Variants in ZNF248 observed in about 807,000 individuals in gnomAD.
ZNF248 encodes the protein KRAB protein domain.
ZNF248 carries 20 observed loss-of-function variants against 44.3 expected under a neutral mutation model. The observed-to-expected ratio is 0.45, with a 90% CI of 0.32 to 0.66. The LOEUF is 0.66. Ranked by LOEUF, ZNF248 falls within the 30% of genes least tolerant of loss-of-function variation. The pLI is 0.04. For missense variants in ZNF248, 654 were observed against 677.0 expected, an observed-to-expected ratio of 0.97 and a Z score of 0.38; for synonymous variants, 224 against 229.0, an observed-to-expected ratio of 0.98 and a Z score of 0.20.
Position 37,831,201 on chromosome 10 carries a change from C to T in ZNF248, c.*414G>A, listed in dbSNP as rs2055530813. The T allele has an allele frequency of 2.6e-6, 4 of 1,542,094 alleles. No individual in the cohort carries two copies. Among genetic ancestry groups the T allele is most frequent in the Non-Finnish European group, 3.5e-6 (4 of 1,142,820 alleles). The stretch of plus-strand genomic sequence containing the variant: ...GTTGAGTTCCAATATACAAATCAAG[C>T]ATACTCAAATTTATATATTTGCATA... On this transcript the variant is annotated 3_prime_UTR_variant, in exon 6 of 6. Transcript: ENST00000395867.
chr10:37,814,640 A>G (rs924694923), intron 6 of ZNF248, among the ~76,000 whole-genome samples: 1 of 152,152 alleles, frequency 6.6e-6, no homozygotes, highest in Non-Finnish European at 1.5e-5. Context: ...TTGACAGAAA[A>G]TTTTACCAAA....
chr10:37,823,268 A>G, intron 6 of ZNF248, among the ~76,000 whole-genome samples: 1 of 122,712 alleles, frequency 8.1e-6, no homozygotes. Context: ...TGGGAGGCGG[A>G]GGTTGCAGTG....
chr10:37,772,678 C>A (rs149663917), downstream of ZNF248, among the ~76,000 whole-genome samples: 33 of 152,316 alleles, frequency 2.2e-4, no homozygotes, highest in East Asian at 5.8e-3. Context: ...GAGAAACCTG[C>A]ACTTTAGACA....
At chr10:37,814,722 C>T in intron 6 of ZNF248, among the ~76,000 whole-genome samples, 1 of 152,150 alleles carries the variant, frequency 6.6e-6, no homozygotes, top group South Asian at 2.1e-4. Context: ...TGCCTTCTGG[C>T]CTCCAAGATC....
chr10:37,831,151 G>A lies in ZNF248; in HGVS notation c.*464C>T. On this transcript the variant is annotated 3_prime_UTR_variant, in exon 6 of 6. Transcript: ENST00000395867. ...TACCATAGTAGTTACTCAATTAAGG[G>A]TACGTATCTTCTCCTTATGATCATG... The A allele has an allele frequency of 6.7e-7, 1 of 1,496,088 alleles. No homozygotes were observed. The highest frequency in any genetic ancestry group is 8.9e-7 in the Non-Finnish European group (1 of 1,120,296). The allele number at this position is 1,496,088 out of a possible 1,614,324, so 92.7% of individuals were successfully genotyped here. A position where few individuals can be genotyped will look rare whatever the true frequency, so the allele number is the denominator to read the frequency against.
At position 37,832,263 on chromosome 10, in the gene ZNF248, C is replaced by T. The variant is rs781660650; in HGVS notation, c.1092G>A (p.Lys364=). ...YNENGSNFSK[K]SHLTQLRRAH... Reference sequence around the variant, plus strand: ...CTCTCCGAAGCTGGGTAAGATGTGACTTCTTGCTGAAATTACTCCCATTTT... The same window carrying T: ...CTCTCCGAAGCTGGGTAAGATGTGATTTCTTGCTGAAATTACTCCCATTTT... Residue 364 remains lysine (K), a synonymous_variant, in exon 6 of 6, where the codon AAG becomes AAA. Transcript: ENST00000395867. 5 of 1,614,048 alleles carry T rather than the reference C, an allele frequency of 3.1e-6. No individual in the cohort carries two copies. In the Admixed American group the frequency reaches 8.3e-5, roughly 27 times the overall value.
intron 6 of ZNF248, among the ~76,000 whole-genome samples, chr10:37,806,131 T>C (rs1278237552): frequency 6.6e-6 from 1 of 152,352 alleles, no homozygotes; most frequent in East Asian, 1.9e-4. Context: ...TGGGTTGCTT[T>C]CACTTTTTGG....
intron 6 of ZNF248, among the ~76,000 whole-genome samples, chr10:37,804,430 GTATT>G (rs1216293597): frequency 1.3e-5 from 2 of 150,944 alleles, no homozygotes; most frequent in African/African-American, 4.9e-5. Context: ...TTTATTTTAT[GTATT>G]TATTTATTTC....
the ZNF248 span, among the ~76,000 whole-genome samples, chr10:37,768,691 C>T: frequency 2.6e-5 from 4 of 152,270 alleles, no homozygotes; most frequent in East Asian, 7.7e-4. Flanking sequence ...AATTGACACC[C>T]TAACGTCACA....
intron 6 of ZNF248, among the ~76,000 whole-genome samples, chr10:37,797,153 A>C (rs1334636061): frequency 6.6e-6 from 1 of 152,236 alleles, no homozygotes; most frequent in African/African-American, 2.4e-5. Context: ...AGAGTAGTAA[A>C]GAATAGTTTC....
At chr10:37,848,365 C>T (rs542485160) in intron 3 of ZNF248, among the ~76,000 whole-genome samples, 18 of 152,228 alleles carry the variant, frequency 1.2e-4, no homozygotes, top group African/African-American at 3.6e-4. Flanking sequence ...GGACAGATCG[C>T]CTGAGCTCAG....
chr10:37,812,016 G>C (rs530208793), intron 6 of ZNF248, among the ~76,000 whole-genome samples: 1 of 151,918 alleles, frequency 6.6e-6, no homozygotes, highest in African/African-American at 2.4e-5. Context: ...CAGGCAGATT[G>C]CTTGAGCCCA....
downstream of ZNF248, among the ~76,000 whole-genome samples, chr10:37,772,979 G>A (rs1037440708): frequency 9.9e-5 from 15 of 152,160 alleles, no homozygotes; most frequent in African/African-American, 4.8e-5. Context: ...AACTGAAGAC[G>A]TGACTATCAA....
chr10:37,771,767 A>G (rs1049105860), downstream of ZNF248, among the ~76,000 whole-genome samples: 83 of 152,158 alleles, frequency 5.5e-4, no homozygotes, highest in Admixed American at 5.2e-4. Context: ...TAAAACTTAA[A>G]GTATAATAAT....
chr10:37,763,422 C>A, the ZNF248 span, among the ~76,000 whole-genome samples: 1 of 152,148 alleles, frequency 6.6e-6, no homozygotes, highest in South Asian at 2.1e-4. Context: ...GTGAGTTTGC[C>A]CACATCCTGC....
intron 3 of ZNF248, among the ~76,000 whole-genome samples, chr10:37,845,988 T>C (rs976331252): frequency 6.6e-6 from 1 of 152,206 alleles, no homozygotes; most frequent in African/African-American, 2.4e-5. Flanking sequence ...CTTGGGCAGC[T>C]GGCGAAATCA....
chr10:37,774,377 G>A (rs2046417836), downstream of ZNF248, among the ~76,000 whole-genome samples: 1 of 152,210 alleles, frequency 6.6e-6, no homozygotes, highest in African/African-American at 2.4e-5. Context: ...TCTAACCAGT[G>A]AGAGCTATCA....
At chr10:37,820,039 G>C (rs2053203599) in intron 6 of ZNF248, 1 of 808,094 alleles carries the variant, frequency 1.2e-6, no homozygotes, top group East Asian at 2.4e-5. Flanking sequence ...GGACTTTCTT[G>C]CTCATTGTCA....
At chr10:37,766,148 GC>G in the ZNF248 span, among the ~76,000 whole-genome samples, 6 of 152,126 alleles carry the variant, frequency 3.9e-5, no homozygotes, top group African/African-American at 1.2e-4. Context: ...GCTCAAGGAG[GC>G]CTGCCTGCCT....
Sources: gnomAD v4.1 joint callset for allele counts (sites outside exome capture counted in the v4.1 genomes callset) on GRCh38, gnomAD v4.1.1 for gene constraint, MANE v1.5 for transcripts, NCBI Gene and HGNC (gene_info 2026-07-23, HGNC 2026-07-21) for gene names.